CSNK1D: variants seen among roughly 807,000 people sequenced by gnomAD.
The protein encoded by CSNK1D is casein kinase 1 delta.
Under a neutral mutation model 46.6 loss-of-function variants are expected in CSNK1D, and 16 were observed. The ratio of observed to expected loss-of-function variants is 0.34; its 90% confidence interval spans 0.23 to 0.52. The LOEUF is 0.52. Among genes scored for constraint, CSNK1D ranks in the 20% least tolerant of loss-of-function variants. The pLI is 0.95. For synonymous variants in CSNK1D, 276 were observed against 228.2 expected (o/e 1.21, Z -1.89); for missense variants, 398 against 578.4 (o/e 0.69, Z 3.20).
At position 82,252,986 on chromosome 17, in the gene CSNK1D, A is replaced by G. The variant is rs1180096514; in HGVS notation, c.565+30T>C. 5 of 1,597,348 alleles carry G rather than the reference A, an allele frequency of 3.1e-6. No homozygotes were observed. ...GCATGGACGCGCCCAAAGGCACCCC[A>G]GGTCAGTGACCCCATGCCCAGGGGC... On this transcript the variant is annotated intron_variant, in intron 4 of 8. Coordinates refer to ENST00000314028, the MANE Select transcript of CSNK1D (RefSeq NM_001893.6). The surrounding 1 kb of genome is among the most constrained non-coding windows in gnomAD (Gnocchi z 4.6).
Position 82,248,527 on chromosome 17 carries a change from A to G in CSNK1D, c.1197+348T>C, listed in dbSNP as rs2050908645. ...AGGCTCCCTCGGGCTGGGGGCACCC[A>G]CAATGGGGCGCAAGCAGGCGAGCGG... On this transcript the variant is annotated intron_variant, in intron 8 of 8. Coordinates refer to ENST00000314028, the MANE Select transcript of CSNK1D (RefSeq NM_001893.6). This position sits in a 1 kb window ranked among gnomAD's most constrained non-coding sequence, Gnocchi z 4.1. 7.0e-6 allele frequency: 8 copies of G among 1,139,878 alleles called. No individual in the cohort carries two copies. Among genetic ancestry groups the G allele is most frequent in the African/African-American group, 3.2e-5 (2 of 61,748 alleles). The allele number at this position is 1,139,878 out of a possible 1,614,324, so 70.6% of individuals were successfully genotyped here. A position where few individuals can be genotyped will look rare whatever the true frequency, so the allele number is the denominator to read the frequency against.
rs949141927 is a variant in CSNK1D at position 82,249,843 on chromosome 17, A to G, written c.886-241T>C. ...TCGAAAAAACCCCACTCGCCATGGC[A>G]TCTCCCTGTGGGCTCAGAACTTCCT... On this transcript the variant is annotated intron_variant, in intron 6 of 8. Coordinates refer to ENST00000314028, the MANE Select transcript of CSNK1D (RefSeq NM_001893.6). The surrounding 1 kb of genome is among the most constrained non-coding windows in gnomAD (Gnocchi z 6.7). 3.5e-6 allele frequency: 5 copies of G among 1,427,508 alleles called. No homozygotes were observed. The highest frequency in any genetic ancestry group is 5.7e-5 in the Admixed American group (2 of 35,108). The allele number at this position is 1,427,508 out of a possible 1,614,324, so 88.4% of individuals were successfully genotyped here.
Position 82,244,223 on chromosome 17 carries a change from C to G in CSNK1D, c.*558G>C. The G allele has an allele frequency of 9.4e-7, 1 of 1,064,798 alleles. No homozygotes were observed. Among genetic ancestry groups the G allele is most frequent in the Non-Finnish European group, 1.1e-6 (1 of 876,166 alleles). The allele number at this position is 1,064,798 out of a possible 1,614,324, so 66.0% of individuals were successfully genotyped here. A position where few individuals can be genotyped will look rare whatever the true frequency, so the allele number is the denominator to read the frequency against. ...CACTGCAAAACAAACACAGCACACA[C>G]CCTTGAGATCCACCTGCACCTTCTC... On this transcript the variant is annotated 3_prime_UTR_variant, in exon 9 of 9. Coordinates refer to ENST00000314028, the MANE Select transcript of CSNK1D (RefSeq NM_001893.6).
chr17:82,250,730 A>C lies in CSNK1D; in HGVS notation c.885+649T>G, dbSNP rs528150094. The C allele has an allele frequency of 1.2e-5, 2 of 166,236 alleles. No individual in the cohort carries two copies. Among genetic ancestry groups the C allele is most frequent in the South Asian group, 2.6e-4 (2 of 7,588 alleles). The allele number at this position is 166,236 out of a possible 1,614,324, so 10.3% of individuals were successfully genotyped here. On this transcript the variant is annotated intron_variant, in intron 6 of 8. Coordinates refer to ENST00000314028, the MANE Select transcript of CSNK1D (RefSeq NM_001893.6). The surrounding 1 kb of genome is among the most constrained non-coding windows in gnomAD (Gnocchi z 4.6). ...TCCCAAGAGGCAGTTCTGCTCCTCC[A>C]TCAGACTGCTGCCTGGAAAAGCTCC...
Position 82,243,766 on chromosome 17 carries a change from A to G in CSNK1D, c.*1015T>C. 1.0e-6 allele frequency: 1 copy of G among 985,502 alleles called. No individual in the cohort carries two copies. The highest frequency in any genetic ancestry group is 1.2e-6 in the Non-Finnish European group (1 of 829,974). 61.0% of individuals were successfully genotyped at this position (985,502 alleles called of 1,614,324 possible). A position where few individuals can be genotyped will look rare whatever the true frequency, so the allele number is the denominator to read the frequency against. The stretch of plus-strand genomic sequence containing the variant: ...ACGGAGTGCCAATCCGCACAGGAGC[A>G]TTGAGTGCTGAGAAAATGGACTGAG... On this transcript the variant is annotated 3_prime_UTR_variant, in exon 9 of 9. Coordinates refer to ENST00000314028, the MANE Select transcript of CSNK1D (RefSeq NM_001893.6).
chr17:82,241,371 C>T (rs1482618181), downstream of CSNK1D, among the ~76,000 whole-genome samples: 1 of 152,236 alleles, frequency 6.6e-6, no homozygotes, highest in Non-Finnish European at 1.5e-5. Flanking sequence ...CTGCCCAGTA[C>T]CTGGAGGGCC....
chr17:82,251,313 G>T lies in CSNK1D; in HGVS notation c.885+66C>A. The stretch of plus-strand genomic sequence containing the variant: ...ACAGCCCCTCAACAAGACGGCCGCC[G>T]GCCTCTCACTGACAAGCCATCCCCC... On this transcript the variant is annotated intron_variant, in intron 6 of 8. Coordinates refer to ENST00000314028, the MANE Select transcript of CSNK1D (RefSeq NM_001893.6). The surrounding 1 kb of genome is among the most constrained non-coding windows in gnomAD (Gnocchi z 4.5). The T allele has an allele frequency of 6.3e-7, 1 of 1,595,912 alleles. No homozygotes were observed.
chr17:82,244,530 T>C lies in CSNK1D; in HGVS notation c.*251A>G. 6.9e-7 allele frequency: 1 copy of C among 1,447,344 alleles called. No homozygotes were observed. Among genetic ancestry groups the C allele is most frequent in the Admixed American group, 2.4e-5 (1 of 42,156 alleles). 89.7% of individuals were successfully genotyped at this position (1,447,344 alleles called of 1,614,324 possible). On this transcript the variant is annotated 3_prime_UTR_variant, in exon 9 of 9. Transcript: ENST00000314028. ...GAGTCTGATTCTCTGCAATTCTCTC[T>C]CTGCTTTTCTTCCCAGCCCCGTTAC...
Position 82,255,931 on chromosome 17 carries a change from G to C in CSNK1D, c.188-354C>G, listed in dbSNP as rs1476854976. 6.6e-6 allele frequency among the ~76,000 whole-genome samples: 1 copy of C among 152,198 alleles called. No homozygotes were observed. The highest frequency in any genetic ancestry group is 2.4e-5 in the African/African-American group (1 of 41,436). ...GAAAGAAAAGAGCTCAGGCATAAAGGAGCAGCAGAGCCCGCCAGAAACGTC... is the reference window on the plus strand; with the variant it reads ...GAAAGAAAAGAGCTCAGGCATAAAGCAGCAGCAGAGCCCGCCAGAAACGTC... On this transcript the variant is annotated intron_variant, in intron 2 of 8. Coordinates refer to ENST00000314028, the MANE Select transcript of CSNK1D (RefSeq NM_001893.6). The surrounding 1 kb of genome is among the most constrained non-coding windows in gnomAD (Gnocchi z 5.9).
chr17:82,242,499 C>T (rs1261843606), downstream of CSNK1D, among the ~76,000 whole-genome samples: 4 of 104,252 alleles, frequency 3.8e-5, no homozygotes, highest in Non-Finnish European at 5.8e-5. Flanking sequence ...CCTCCCTGCC[C>T]GGCAGCAGGC....
At chr17:82,239,650 G>A (rs1599565226), downstream of CSNK1D, 1 of 293,390 alleles carries the variant, frequency 3.4e-6, no homozygotes, top group Non-Finnish European at 6.3e-6. Context: ...TGCGGGGCAG[G>A]TGCCTGGAGG....
intron 2 of CSNK1D, among the ~76,000 whole-genome samples, chr17:82,259,984 G>GATGGTGTACTGAGTGATGTGACTGA: frequency 6.6e-6 from 1 of 151,652 alleles, no homozygotes. Context: ...TGATGTGACT[G>GATGGTGTACTGAGTGATGTGACTGA]ATGGTGTACT....
At chr17:82,246,738 A>T (rs1271897755) in intron 8 of CSNK1D, 1 of 991,826 alleles carries the variant, frequency 1.0e-6, no homozygotes, top group Non-Finnish European at 1.2e-6. Flanking sequence ...GCCCTGGGAG[A>T]CCTTCCTGCT....
chr17:82,268,082 T>G (rs2051524433), intron 1 of CSNK1D, among the ~76,000 whole-genome samples: 1 of 152,214 alleles, frequency 6.6e-6, no homozygotes. Flanking sequence ...CCAGCCCTCC[T>G]GTGGAACCGA....
rs2050961777 is a variant in CSNK1D, at chr17:82,250,091, G to A, written c.886-489C>T. 1 of 1,290,166 alleles carries A rather than the reference G, an allele frequency of 7.8e-7. No homozygotes were observed. The highest frequency in any genetic ancestry group is 2.3e-5 in the Admixed American group (1 of 43,536). 79.9% of individuals were successfully genotyped at this position (1,290,166 alleles called of 1,614,324 possible). A position where few individuals can be genotyped will look rare whatever the true frequency, so the allele number is the denominator to read the frequency against. ...CTCCAACAGCCTGTGCAGGTGTGGT[G>A]GCGTGGCCAGCAGCCGGCAGCCGGA... is the stretch of plus-strand genomic sequence containing the variant. On this transcript the variant is annotated intron_variant, in intron 6 of 8. Coordinates refer to ENST00000314028, the MANE Select transcript of CSNK1D (RefSeq NM_001893.6). The surrounding 1 kb of genome is among the most constrained non-coding windows in gnomAD (Gnocchi z 4.6).
At chr17:82,239,106 C>T (rs1243414609), downstream of CSNK1D, 9 of 878,990 alleles carry the variant, frequency 1.0e-5, no homozygotes, top group East Asian at 2.8e-5. Context: ...AGCGGATCGT[C>T]GCCCGATCAG....
intron 1 of CSNK1D, among the ~76,000 whole-genome samples, chr17:82,270,878 C>T (rs1042000621): frequency 4.6e-5 from 7 of 152,194 alleles, no homozygotes; most frequent in African/African-American, 1.7e-4. Flanking sequence ...CCCGCAATCC[C>T]GTATCCAGCA....
At chr17:82,242,463 C>T (rs1466060191), downstream of CSNK1D, among the ~76,000 whole-genome samples, 2 of 152,086 alleles carry the variant, frequency 1.3e-5, no homozygotes, top group Non-Finnish European at 2.9e-5. Flanking sequence ...CCCAAGGGGG[C>T]AGCACGGCGA....
At chr17:82,253,529 G>C (rs1054234411) in intron 3 of CSNK1D, 2 of 444,066 alleles carry the variant, frequency 4.5e-6, no homozygotes, top group African/African-American at 2.0e-5. Context: ...ACTAGACATC[G>C]GTCTCTCCCA....
Sources: allele counts gnomAD v4.1 joint callset (sites outside exome capture counted in the v4.1 genomes callset), GRCh38; gene constraint gnomAD v4.1.1; non-coding constraint Gnocchi (gnomAD v3.1); transcripts MANE v1.5; gene names NCBI Gene and HGNC (gene_info 2026-07-23, HGNC 2026-07-21).